The following MAPT variants were observed in gnomAD, a reference collection of about 807,000 sequenced individuals.
MAPT encodes the protein microtubule-associated protein tau.
Under a neutral mutation model 67.9 loss-of-function variants are expected in MAPT, and 34 were observed. The observed-to-expected ratio is 0.50, with a 90% CI of 0.38 to 0.67. The LOEUF is 0.67. MAPT is among the 30% of genes least tolerant of loss of function. MAPT has a pLI of 0.00. For synonymous variants in MAPT, 456 were observed against 464.5 expected (o/e 0.98, Z 0.23); for missense variants, 881 against 1,115.2 (o/e 0.79, Z 2.99).
chr17:45,940,010 C>T (rs900749632), intron 1 of MAPT, among the ~76,000 whole-genome samples: 12 of 152,126 alleles, frequency 7.9e-5, no homozygotes, highest in South Asian at 2.1e-4. Flanking sequence ...CCACTACTTT[C>T]GGAAGCACAA....
At chr17:46,002,902 C>G (rs2075123567) in intron 9 of MAPT, among the ~76,000 whole-genome samples, 2 of 152,012 alleles carry the variant, frequency 1.3e-5, no homozygotes, top group Admixed American at 1.3e-4. Context: ...TCCACCTCAG[C>G]CTCCTGAGTA....
chr17:45,990,059 A>G lies in MAPT; in HGVS notation c.1589A>G (p.Lys530Arg). 1 of 1,614,176 alleles carries G rather than the reference A, an allele frequency of 6.2e-7. No individual in the cohort carries two copies. Among genetic ancestry groups the G allele is most frequent in the Middle Eastern group, 1.6e-4 (1 of 6,062 alleles). The change falls in exon 7 of 13, where the codon AAG becomes AGG. Residue 530 changes from lysine (K) to arginine (R), a missense_variant. Physicochemically the swap from Lys to Arg is conservative, Grantham distance 26. Coordinates refer to ENST00000262410, the MANE Select transcript of MAPT (RefSeq NM_001377265.1). ...TCCCGAACTGGCAGTTCTGGAGCAA[A>G]GGAGATGAAACTCAAGGTAAGGAAA... is the stretch of plus-strand genomic sequence containing the variant. ...VTSRTGSSGA[K>R]EMKLKGADGK...
intron 1 of MAPT, among the ~76,000 whole-genome samples, chr17:45,946,538 G>C (rs1012073422): frequency 6.8e-6 from 1 of 147,380 alleles, no homozygotes; most frequent in Non-Finnish European, 1.5e-5. Flanking sequence ...GGTAGAGGTT[G>C]CAGTGAGCCG....
At position 46,024,015 on chromosome 17, in the gene MAPT, G is replaced by A. The variant is rs771974951; in HGVS notation, c.2346G>A (p.Ala782=). The change falls in exon 13 of 13, where the codon GCG becomes GCA. Residue 782 remains alanine (A), a synonymous_variant. Transcript: ENST00000262410. ...CCAAAGCCAAGACAGACCACGGGGC[G>A]GAGATCGTGTACAAGTCGCCAGTGG... is the stretch of plus-strand genomic sequence containing the variant. The part of the protein sequence containing the change: ...ENAKAKTDHG[A]EIVYKSPVVS... 1.6e-5 allele frequency: 26 copies of A among 1,613,988 alleles called. 1 individual carries two copies. The highest frequency in any genetic ancestry group is 1.6e-4 in the East Asian group (7 of 44,882).
intron 2 of MAPT, among the ~76,000 whole-genome samples, chr17:45,964,451 A>G (rs112206871): frequency 0.15 from 21,634 of 147,972 alleles, 2,115 homozygotes; most frequent in Middle Eastern, 0.23. Context: ...AGGCTGCGGC[A>G]GGAGGATTGC....
intron 7 of MAPT, 44 bp from the exon 8 acceptor site, chr17:45,991,415 CT>C: frequency 1.9e-6 from 3 of 1,613,452 alleles, no homozygotes; most frequent in Non-Finnish European, 2.5e-6. Flanking sequence ...GTGGCAGTAA[CT>C]TTTCCCAATG....
chr17:45,999,933 A>G (rs1160334392), intron 9 of MAPT, among the ~76,000 whole-genome samples: 1 of 152,230 alleles, frequency 6.6e-6, no homozygotes, highest in East Asian at 1.9e-4. Flanking sequence ...GAAAAATGTC[A>G]TACAGGGTCC....
intron 4 of MAPT, among the ~76,000 whole-genome samples, chr17:45,982,554 A>T (rs2073079461): frequency 6.6e-6 from 1 of 152,094 alleles, no homozygotes; most frequent in Admixed American, 6.5e-5. Flanking sequence ...AGAGCCCATC[A>T]TAGGCAGAGG....
intron 1 of MAPT, chr17:45,898,595 C>CA (rs1427460402): frequency 6.6e-6 from 1 of 152,146 alleles, no homozygotes; most frequent in Non-Finnish European, 1.5e-5. Flanking sequence ...TTTCCCTCAG[C>CA]ATTTATGTGT....
rs574644160 is a variant in MAPT, at chr17:46,004,422, A to C, written c.1999-5888A>C. Among the ~76,000 whole-genome samples, 166 of 152,252 alleles carry C rather than the reference A, an allele frequency of 1.1e-3. 1 individual carries two copies. Among genetic ancestry groups the C allele is most frequent in the Non-Finnish European group, 1.6e-3 (107 of 68,004 alleles). On this transcript the variant is annotated intron_variant, in intron 9 of 12. Coordinates refer to ENST00000262410, the MANE Select transcript of MAPT (RefSeq NM_001377265.1). ...TCAGGGTCAAACTCTGACCACAGAC[A>C]TTTCTCCCCTGACTAGGAGTTCCCT...
chr17:46,023,998 AAGAC>A lies in MAPT; in HGVS notation c.2334_2337del (p.Asp779ThrfsTer33). ...GACCTTCCGCGAGAACGCCAAAGCC[AAGAC>A]AGACCACGGGGCGGAGATCGTGTAC... is the stretch of plus-strand genomic sequence containing the variant. On this transcript the variant is annotated frameshift_variant, in exon 13 of 13. Coordinates refer to ENST00000262410, the MANE Select transcript of MAPT (RefSeq NM_001377265.1). LOFTEE classifies it high-confidence loss of function. 1 of 1,614,154 alleles carries A rather than the reference AAGAC, an allele frequency of 6.2e-7. No homozygotes were observed. The highest frequency in any genetic ancestry group is 8.5e-7 in the Non-Finnish European group (1 of 1,180,036).
chr17:45,971,880 C>T lies in MAPT; in HGVS notation c.155C>T (p.Thr52Ile). 1.2e-6 allele frequency: 2 copies of T among 1,614,074 alleles called. No individual in the cohort carries two copies. The highest frequency in any genetic ancestry group is 1.7e-6 in the Non-Finnish European group (2 of 1,179,946). ...GLKESPLQTPTEDGSEEPGSE... is the reference protein window; with the variant it reads ...GLKESPLQTPIEDGSEEPGSE... Reference sequence around the variant, plus strand: ...CCAGAATCTCCCCTGCAGACCCCCACTGAGGACGGATCTGAGGAACCGGGC... The same window carrying T: ...CCAGAATCTCCCCTGCAGACCCCCATTGAGGACGGATCTGAGGAACCGGGC... Residue 52 changes from threonine to isoleucine, a missense_variant, in exon 3 of 13, where the codon ACT becomes ATT. Thr to Ile is a moderately conservative substitution (Grantham distance 89). This residue lies in a region of MAPT where 687 missense variants were observed against 766.1 expected (regional missense o/e 0.90). Coordinates refer to ENST00000262410, the MANE Select transcript of MAPT (RefSeq NM_001377265.1). The surrounding 1 kb of genome is among the most constrained non-coding windows in gnomAD (Gnocchi z 4.3).
At chr17:45,936,941 A>C (rs1448700415) in intron 1 of MAPT, among the ~76,000 whole-genome samples, 1 of 152,012 alleles carries the variant, frequency 6.6e-6, no homozygotes, top group Non-Finnish European at 1.5e-5. Flanking sequence ...GTCCCATTCC[A>C]TCTCTCTCCA....
At position 45,996,363 on chromosome 17, in the gene MAPT, T is replaced by C; in HGVS notation, c.1733-36T>C. On this transcript the variant is annotated intron_variant, in intron 8 of 12. Coordinates refer to ENST00000262410, the MANE Select transcript of MAPT (RefSeq NM_001377265.1). The surrounding 1 kb of genome is among the most constrained non-coding windows in gnomAD (Gnocchi z 4.5). Reference sequence around the variant, plus strand: ...CAGGGCCTTTTCTGACCCCACCCACTCGAGTCCTGGCTTCACTCCCTTCCT... The same window carrying C: ...CAGGGCCTTTTCTGACCCCACCCACCCGAGTCCTGGCTTCACTCCCTTCCT... The C allele has an allele frequency of 6.2e-7, 1 of 1,606,132 alleles. No homozygotes were observed. The highest frequency in any genetic ancestry group is 8.5e-7 in the Non-Finnish European group (1 of 1,179,702).
At chr17:46,007,198 A>T (rs2075505397) in intron 9 of MAPT, among the ~76,000 whole-genome samples, 1 of 152,114 alleles carries the variant, frequency 6.6e-6, no homozygotes, top group South Asian at 2.1e-4. Flanking sequence ...GTAAATTAAA[A>T]TGTAGGCTGG....
At chr17:45,899,875 C>G (rs1181881090) in intron 1 of MAPT, among the ~76,000 whole-genome samples, 1 of 152,106 alleles carries the variant, frequency 6.6e-6, no homozygotes, top group Admixed American at 6.5e-5. Context: ...TCCCCCAATC[C>G]AGGGTTTCTG....
chr17:46,003,099 CGTGTGT>C (rs72293848), intron 9 of MAPT, among the ~76,000 whole-genome samples: 1 of 145,276 alleles, frequency 6.9e-6, no homozygotes, highest in African/African-American at 2.6e-5. Flanking sequence ...TTTTTAAGGG[CGTGTGT>C]GTGTGTGTGT....
At chr17:45,974,970 A>G (rs1325439338) in intron 3 of MAPT, 1 of 163,608 alleles carries the variant, frequency 6.1e-6, no homozygotes, top group Admixed American at 5.9e-5. Context: ...TCTAGCATCC[A>G]GTTCTGGGAC....
At chr17:45,932,459 G>A (rs1388995436) in intron 1 of MAPT, among the ~76,000 whole-genome samples, 1 of 151,522 alleles carries the variant, frequency 6.6e-6, no homozygotes, top group East Asian at 2.0e-4. Context: ...GCATGATGGT[G>A]GGTGCCTGTA....
Sources: allele counts gnomAD v4.1 joint callset (sites outside exome capture counted in the v4.1 genomes callset), GRCh38; gene constraint gnomAD v4.1.1; regional missense constraint gnomAD v4.1.1; non-coding constraint Gnocchi (gnomAD v3.1); transcripts MANE v1.5; gene names NCBI Gene and HGNC (gene_info 2026-07-23, HGNC 2026-07-21).